The following PHKB variants were observed in gnomAD, a reference collection of about 807,000 sequenced individuals.
PHKB encodes the protein phosphorylase b kinase regulatory subunit beta.
PHKB carries 122 observed loss-of-function variants against 152.1 expected under a neutral mutation model. The ratio of observed to expected loss-of-function variants is 0.80; its 90% CI spans 0.69 to 0.93. The LOEUF is 0.93. Among genes scored for constraint, PHKB ranks in the 40% least tolerant of loss-of-function variants. The pLI, the probability that PHKB is intolerant of heterozygous loss-of-function variation, is 0.00. For synonymous variants in PHKB, 436 were observed against 464.9 expected (o/e 0.94, Z 0.80); for missense variants, 1,304 against 1,328.4 (o/e 0.98, Z 0.29).
At chr16:47,636,513 C>A (rs1009109018) in intron 14 of PHKB, among the ~76,000 whole-genome samples, 1 of 152,212 alleles carries the variant, frequency 6.6e-6, no homozygotes, top group African/African-American at 2.4e-5. Flanking sequence ...CCCCCGGTCC[C>A]CACAGGTTCA....
chr16:47,470,182 G>C (rs1156967599), intron 1 of PHKB, among the ~76,000 whole-genome samples: 1 of 152,178 alleles, frequency 6.6e-6, no homozygotes, highest in East Asian at 1.9e-4. Context: ...ACAGCCTTCA[G>C]AGCTGAGAGC....
chr16:47,580,250 A>T, intron 7 of PHKB, 45 bp from the exon 8 acceptor site: 1 of 1,419,352 alleles, frequency 7.0e-7, no homozygotes, highest in Non-Finnish European at 9.9e-7. Context: ...CTGATTTTGT[A>T]GCCACATACA....
chr16:47,662,959 T>G (rs908146040), intron 23 of PHKB, among the ~76,000 whole-genome samples: 18 of 152,168 alleles, frequency 1.2e-4, no homozygotes, highest in African/African-American at 4.1e-4. Flanking sequence ...TTGTAAACCA[T>G]TTTTATAAAT....
intron 26 of PHKB, among the ~76,000 whole-genome samples, chr16:47,680,662 CTTCT>C (rs1417767945): frequency 6.6e-6 from 1 of 151,918 alleles, no homozygotes; most frequent in Non-Finnish European, 1.5e-5. Flanking sequence ...TCTCTCTTTT[CTTCT>C]TTATTAGTCT....
chr16:47,646,548 TA>T (rs963768902), intron 16 of PHKB, among the ~76,000 whole-genome samples: 14 of 104,688 alleles, frequency 1.3e-4, no homozygotes, highest in African/African-American at 5.1e-4. Context: ...AAAAAAACAT[TA>T]AAAATAAAAA....
chr16:47,638,783 A>G (rs1357630841), intron 14 of PHKB, among the ~76,000 whole-genome samples: 1 of 152,242 alleles, frequency 6.6e-6, no homozygotes, highest in African/African-American at 2.4e-5. Flanking sequence ...CAGATGAATG[A>G]GCAACAAATG....
At chr16:47,633,397 T>C (rs901517376) in intron 14 of PHKB, among the ~76,000 whole-genome samples, 1 of 152,114 alleles carries the variant, frequency 6.6e-6, no homozygotes, top group African/African-American at 2.4e-5. Flanking sequence ...ACATCCTAAG[T>C]GAGAAAAGTA....
At chr16:47,489,023 A>T (rs192841528) in intron 1 of PHKB, among the ~76,000 whole-genome samples, 3 of 152,150 alleles carry the variant, frequency 2.0e-5, no homozygotes, top group Non-Finnish European at 2.9e-5. Context: ...GAATTTGTAA[A>T]TTGCTTTGAG....
chr16:47,648,719 T>C, intron 17 of PHKB, 103 bp downstream of exon 17: 2 of 777,672 alleles, frequency 2.6e-6, no homozygotes, highest in South Asian at 1.4e-5. Flanking sequence ...CATTATGTAC[T>C]CAGACTACTT....
intron 7 of PHKB, among the ~76,000 whole-genome samples, chr16:47,563,994 C>CTTT (rs899061752): frequency 1.3e-4 from 11 of 82,046 alleles, no homozygotes; most frequent in Non-Finnish European, 1.8e-4. Flanking sequence ...TTATTTCATT[C>CTTT]TTTTTTTTTT....
chr16:47,690,152 A>G (rs557674404), intron 27 of PHKB, among the ~76,000 whole-genome samples: 2 of 152,228 alleles, frequency 1.3e-5, no homozygotes, highest in South Asian at 4.1e-4. Flanking sequence ...TGGAAATTTA[A>G]TGTGTGACAA....
intron 7 of PHKB, among the ~76,000 whole-genome samples, chr16:47,563,454 G>A (rs1221155465): frequency 1.3e-5 from 2 of 151,862 alleles, no homozygotes; most frequent in Non-Finnish European, 2.9e-5. Flanking sequence ...TGGATAACCA[G>A]GTATATTGTC....
At position 47,700,341 on chromosome 16, in the gene PHKB, TCC is replaced by T. The variant is rs1359995978; in HGVS notation, c.*976_*977del. On this transcript the variant is annotated 3_prime_UTR_variant, in exon 31 of 31. Transcript: ENST00000323584. ...ACCAGCCTGGGTGACAGAGCGAGAC[TCC>T]ATCTCAAAAAAAAAAAAAAAAAAGA... The T allele has an allele frequency of 3.3e-5, 4 of 120,570 alleles. No individual in the cohort carries two copies. Among genetic ancestry groups the T allele is most frequent in the Non-Finnish European group, 6.5e-5 (4 of 61,538 alleles). 7.5% of individuals were successfully genotyped at this position (120,570 alleles called of 1,614,324 possible).
chr16:47,522,391 C>T (rs991574758), intron 6 of PHKB, among the ~76,000 whole-genome samples: 1 of 151,902 alleles, frequency 6.6e-6, no homozygotes, highest in African/African-American at 2.4e-5. Flanking sequence ...GTTAATGTCC[C>T]TTATTTCATC....
chr16:47,628,705 G>A (rs968664007), intron 14 of PHKB, among the ~76,000 whole-genome samples: 5 of 151,072 alleles, frequency 3.3e-5, no homozygotes, highest in East Asian at 2.0e-4. Flanking sequence ...AAAAGAGCCC[G>A]CATCGCCAAG....
At chr16:47,552,804 C>T (rs900585385) in intron 7 of PHKB, among the ~76,000 whole-genome samples, 14 of 149,492 alleles carry the variant, frequency 9.4e-5, no homozygotes, top group Non-Finnish European at 1.6e-4. Flanking sequence ...ATCTCAAACA[C>T]ACACACACAC....
At chr16:47,681,685 C>T (rs1434381638) in intron 26 of PHKB, among the ~76,000 whole-genome samples, 1 of 152,096 alleles carries the variant, frequency 6.6e-6, no homozygotes, top group East Asian at 1.9e-4. Flanking sequence ...AGATGGGTTT[C>T]CTGAATACAG....
chr16:47,654,957 A>T (rs562892136), intron 20 of PHKB, among the ~76,000 whole-genome samples: 4 of 152,156 alleles, frequency 2.6e-5, no homozygotes, highest in Non-Finnish European at 5.9e-5. Context: ...ATATAATAAA[A>T]AAATAAATAA....
At chr16:47,672,604 A>C (rs1487116149) in intron 26 of PHKB, among the ~76,000 whole-genome samples, 2 of 152,144 alleles carry the variant, frequency 1.3e-5, no homozygotes, top group African/African-American at 4.8e-5. Flanking sequence ...CTTAGAGTGA[A>C]GGTAAACAGT....
Sources: allele counts gnomAD v4.1 joint callset (sites outside exome capture counted in the v4.1 genomes callset), GRCh38; gene constraint gnomAD v4.1.1; transcripts MANE v1.5; gene names NCBI Gene and HGNC (gene_info 2026-07-23, HGNC 2026-07-21).